The following TSPAN18 variants were observed in gnomAD, a reference collection of about 807,000 sequenced individuals.
TSPAN18 encodes the protein tetraspanin-18.
Under a neutral mutation model 27.3 loss-of-function variants are expected in TSPAN18, and 14 were observed. The ratio of observed to expected loss-of-function variants is 0.51; its 90% CI spans 0.34 to 0.80. The LOEUF is 0.80. Ranked by LOEUF, TSPAN18 falls within the 30% of genes least tolerant of loss-of-function variation. TSPAN18 has a pLI of 0.01. For missense variants in TSPAN18, 268 were observed against 323.9 expected, an observed-to-expected ratio of 0.83 and a Z score of 1.32; for synonymous variants, 143 against 136.5, an observed-to-expected ratio of 1.05 and a Z score of -0.33.
chr11:44,738,367 C>CT (rs1390520594), intron 1 of TSPAN18, among the ~76,000 whole-genome samples: 2 of 152,150 alleles, frequency 1.3e-5, no homozygotes, highest in Non-Finnish European at 2.9e-5. Context: ...GGCTGGAGCC[C>CT]CCCCGGCTGG....
At chr11:44,749,297 C>T (rs1343300074) in intron 1 of TSPAN18, among the ~76,000 whole-genome samples, 1 of 152,218 alleles carries the variant, frequency 6.6e-6, no homozygotes, top group Non-Finnish European at 1.5e-5. Context: ...ACCTGTTGCT[C>T]AAGATTGCTG....
At chr11:44,787,318 T>G (rs1452192538) in intron 2 of TSPAN18, among the ~76,000 whole-genome samples, 3 of 152,248 alleles carry the variant, frequency 2.0e-5, no homozygotes, top group Non-Finnish European at 4.4e-5. Context: ...TTAATTCTTA[T>G]GTAGTTAGTG....
chr11:44,914,884 C>T (rs1037262627), intron 5 of TSPAN18, among the ~76,000 whole-genome samples: 2 of 152,142 alleles, frequency 1.3e-5, no homozygotes, highest in African/African-American at 2.4e-5. Context: ...CACTTGTCTT[C>T]GGGAAGGATG....
chr11:44,869,705 C>T (rs1262017809), intron 3 of TSPAN18, among the ~76,000 whole-genome samples: 1 of 152,246 alleles, frequency 6.6e-6, no homozygotes, highest in East Asian at 1.9e-4. Context: ...CCGCAGACCA[C>T]AGGATGCCCT....
chr11:44,845,751 AC>A, intron 2 of TSPAN18, among the ~76,000 whole-genome samples: 1 of 152,332 alleles, frequency 6.6e-6, no homozygotes, highest in East Asian at 1.9e-4. Context: ...CAGATCCCAG[AC>A]CTGTGTTCTG....
intron 3 of TSPAN18, among the ~76,000 whole-genome samples, chr11:44,865,029 CG>C (rs1440641071): frequency 6.6e-6 from 1 of 152,178 alleles, no homozygotes; most frequent in African/African-American, 2.4e-5. Context: ...CAGCCTCAGC[CG>C]GGGTGGTTGG....
intron 2 of TSPAN18, among the ~76,000 whole-genome samples, chr11:44,775,590 C>G (rs76873282): frequency 0.017 from 2,553 of 152,104 alleles, 61 homozygotes; most frequent in African/African-American, 0.059. Context: ...TTTGCTCCCT[C>G]TAGTGGCGGG....
At position 44,771,462 on chromosome 11, in the gene TSPAN18, G is replaced by A. The variant is rs552511812; in HGVS notation, c.-153+6950G>A. 9.2e-5 allele frequency among the ~76,000 whole-genome samples: 14 copies of A among 152,336 alleles called. No individual in the cohort carries two copies. In the South Asian group the frequency reaches 2.9e-3, roughly 32 times the overall value. On this transcript the variant is annotated intron_variant, in intron 2 of 9. Coordinates refer to ENST00000520358, the MANE Select transcript of TSPAN18 (RefSeq NM_130783.5). ...ACATGTAGTGCCTGAGCTGGAGGAG[G>A]CCACCATTCAGCTGTTGATGCCTGA...
At chr11:44,847,489 A>G (rs933363510) in intron 2 of TSPAN18, among the ~76,000 whole-genome samples, 1 of 152,232 alleles carries the variant, frequency 6.6e-6, no homozygotes, top group African/African-American at 2.4e-5. Flanking sequence ...ATTACTTTTC[A>G]TGGCTGAATA....
intron 1 of TSPAN18, among the ~76,000 whole-genome samples, chr11:44,758,729 A>G (rs1472436829): frequency 6.6e-6 from 1 of 152,154 alleles, no homozygotes; most frequent in Admixed American, 6.5e-5. Flanking sequence ...GGTTGTCCAC[A>G]CTTTGCAGGT....
chr11:44,761,682 G>A (rs946448942), intron 1 of TSPAN18, among the ~76,000 whole-genome samples: 11 of 152,124 alleles, frequency 7.2e-5, no homozygotes, highest in East Asian at 1.9e-4. Flanking sequence ...GCTCCTTCCC[G>A]GCATGGCTGC....
chr11:44,920,583 C>CCA (rs1254149871), intron 8 of TSPAN18, among the ~76,000 whole-genome samples: 1 of 152,138 alleles, frequency 6.6e-6, no homozygotes, highest in African/African-American at 2.4e-5. Flanking sequence ...TGCCTCCTGC[C>CCA]CACACACCCT....
intron 2 of TSPAN18, among the ~76,000 whole-genome samples, chr11:44,843,442 G>A (rs765263069): frequency 2.2e-4 from 34 of 152,182 alleles, no homozygotes; most frequent in Non-Finnish European, 3.8e-4. Context: ...GAGGCAGGGC[G>A]AGATCACAAG....
rs565727299 is a variant in TSPAN18, at chr11:44,928,130, C to T, written c.700-1001C>T. Among the ~76,000 whole-genome samples the T allele has an allele frequency of 3.9e-5, 6 of 152,248 alleles. No individual in the cohort carries two copies. The East Asian group carries it at 9.7e-4, about 25-fold the overall frequency. On this transcript the variant is annotated intron_variant, in intron 9 of 9. Transcript: ENST00000520358. Reference sequence around the variant, plus strand: ...TCAGCTACTTGCAATGAGCTCTGGCCGTGAGAACATCAGCAAATCTGGTCA... The same window carrying T: ...TCAGCTACTTGCAATGAGCTCTGGCTGTGAGAACATCAGCAAATCTGGTCA...
intron 2 of TSPAN18, among the ~76,000 whole-genome samples, chr11:44,841,837 A>T (rs1286806835): frequency 1.3e-5 from 2 of 152,240 alleles, no homozygotes; most frequent in Non-Finnish European, 2.9e-5. Context: ...CCCCACCATC[A>T]GGTCCAAATG....
At chr11:44,900,981 C>T (rs1422149794) in intron 3 of TSPAN18, among the ~76,000 whole-genome samples, 1 of 152,158 alleles carries the variant, frequency 6.6e-6, no homozygotes, top group Non-Finnish European at 1.5e-5. Flanking sequence ...AAGCGTGAGC[C>T]ACCGCGCCCG....
rs1301036768 is a variant in TSPAN18 at position 44,929,987 on chromosome 11, T to G, written c.*809T>G. ...GGCAAGTCAGCCAGGAACTGCCTCCTCCCTGCTCTACAGCTAAGAAAACAC... is the reference window on the plus strand; with the variant it reads ...GGCAAGTCAGCCAGGAACTGCCTCCGCCCTGCTCTACAGCTAAGAAAACAC... On this transcript the variant is annotated 3_prime_UTR_variant, in exon 10 of 10. Coordinates refer to ENST00000520358, the MANE Select transcript of TSPAN18 (RefSeq NM_130783.5). The G allele has an allele frequency of 6.6e-6, 1 of 152,368 alleles. No individual in the cohort carries two copies. The highest frequency in any genetic ancestry group is 1.9e-4 in the East Asian group (1 of 5,184). 9.4% of individuals were successfully genotyped at this position (152,368 alleles called of 1,614,324 possible).
At chr11:44,820,023 G>C (rs1856895196) in intron 2 of TSPAN18, among the ~76,000 whole-genome samples, 1 of 152,168 alleles carries the variant, frequency 6.6e-6, no homozygotes, top group Non-Finnish European at 1.5e-5. Flanking sequence ...GAGGGTTGCT[G>C]TCAAGGTCTA....
rs765443858 is a variant in TSPAN18, at chr11:44,908,829, A to AAG, written c.64-875_64-874insGA. Among the ~76,000 whole-genome samples, 52 of 103,354 alleles carry AAG rather than the reference A, an allele frequency of 5.0e-4. 5 individuals carry two copies. The highest frequency in any genetic ancestry group is 1.8e-3 in the East Asian group (8 of 4,518). 67.8% of individuals were successfully genotyped at this position (103,354 alleles called of 152,430 possible). A position where few individuals can be genotyped will look rare whatever the true frequency, so the allele number is the denominator to read the frequency against. Reference sequence around the variant, plus strand: ...AAAGAAAGAAAGAAAGAAAGAAAGAAAAAGAAAAATGGAGCAGATATTTAT... The same window carrying AAG: ...AAAGAAAGAAAGAAAGAAAGAAAGAAAGAAAGAAAAATGGAGCAGATATTTAT... On this transcript the variant is annotated intron_variant, in intron 4 of 9. Transcript: ENST00000520358.
Sources: gnomAD v4.1 joint callset for allele counts (sites outside exome capture counted in the v4.1 genomes callset) on GRCh38, gnomAD v4.1.1 for gene constraint, MANE v1.5 for transcripts, NCBI Gene and HGNC (gene_info 2026-07-23, HGNC 2026-07-21) for gene names.